UBE2E2: variants seen among roughly 807,000 people sequenced by gnomAD.
UBE2E2 encodes ubiquitin-conjugating enzyme E2 E2.
UBE2E2 carries 6 observed loss-of-function variants against 24.7 expected under a neutral mutation model. The ratio of observed to expected loss-of-function variants is 0.24; its 90% CI spans 0.13 to 0.48. UBE2E2 has a LOEUF of 0.48. Ranked by LOEUF, UBE2E2 falls within the 20% of genes least tolerant of loss-of-function variation. UBE2E2 has a pLI of 0.99. For synonymous variants in UBE2E2, 104 were observed against 83.6 expected, an observed-to-expected ratio of 1.24 and a Z score of -1.33; for missense variants, 169 against 245.0, an observed-to-expected ratio of 0.69 and a Z score of 2.07.
chr3:23,331,903 A>G (rs1695068387), intron 3 of UBE2E2, among the ~76,000 whole-genome samples: 2 of 152,222 alleles, frequency 1.3e-5, no homozygotes, highest in Non-Finnish European at 2.9e-5. Context: ...TGCTTAGTAA[A>G]TGACAGCAGA....
intron 4 of UBE2E2, among the ~76,000 whole-genome samples, chr3:23,526,866 CTCTG>C (rs1194958370): frequency 2.0e-5 from 3 of 152,186 alleles, no homozygotes; most frequent in Non-Finnish European, 2.9e-5. Flanking sequence ...AAGTTTAAAA[CTCTG>C]TCCAGAAATT....
chr3:23,294,617 A>AT (rs1698859463), intron 3 of UBE2E2, among the ~76,000 whole-genome samples: 1 of 147,388 alleles, frequency 6.8e-6, no homozygotes. Context: ...TTTATTAGAT[A>AT]TTTTATTAGA....
intron 5 of UBE2E2, among the ~76,000 whole-genome samples, chr3:23,543,143 G>A (rs138989589): frequency 6.6e-6 from 1 of 152,076 alleles, no homozygotes; most frequent in Non-Finnish European, 1.5e-5. Context: ...GTGAGACCCT[G>A]TCGCTACAAA....
At chr3:23,239,179 G>T (rs191945438) in intron 3 of UBE2E2, among the ~76,000 whole-genome samples, 1 of 151,956 alleles carries the variant, frequency 6.6e-6, no homozygotes, top group Non-Finnish European at 1.5e-5. Context: ...TTATGATACC[G>T]TAATATAGTG....
chr3:23,473,947 A>G (rs983583714), intron 3 of UBE2E2, among the ~76,000 whole-genome samples: 7 of 152,014 alleles, frequency 4.6e-5, no homozygotes, highest in African/African-American at 1.7e-4. Context: ...ATCAAATGGT[A>G]GTTCTATTTT....
intron 4 of UBE2E2, among the ~76,000 whole-genome samples, chr3:23,519,663 A>C (rs903813723): frequency 6.6e-6 from 1 of 152,044 alleles, no homozygotes; most frequent in African/African-American, 2.4e-5. Context: ...GTGAATATAT[A>C]TATGTGTGAG....
chr3:23,423,417 C>A (rs1697850495), intron 3 of UBE2E2, among the ~76,000 whole-genome samples: 2 of 152,084 alleles, frequency 1.3e-5, no homozygotes, highest in African/African-American at 4.8e-5. Context: ...TTTCATTTTT[C>A]TTTACTCAGT....
Position 23,298,845 on chromosome 3 carries a change from A to G in UBE2E2, c.227+81533A>G, listed in dbSNP as rs561791899. ...ATTCCCTCTTTTTCTATTGATTGGA[A>G]TAGTTTCAGAAGGAATGGTACTAGC... is the stretch of plus-strand genomic sequence containing the variant. On this transcript the variant is annotated intron_variant, in intron 3 of 5. Transcript: ENST00000396703. 2.0e-5 allele frequency among the ~76,000 whole-genome samples: 3 copies of G among 152,288 alleles called. No homozygotes were observed. The South Asian group carries it at 6.2e-4, about 32-fold the overall frequency.
chr3:23,232,722 G>T (rs1236594131), intron 3 of UBE2E2, among the ~76,000 whole-genome samples: 1 of 152,204 alleles, frequency 6.6e-6, no homozygotes, highest in East Asian at 1.9e-4. Context: ...ATACACTGAA[G>T]AAATCATTTT....
chr3:23,299,670 C>G (rs1251724044), intron 3 of UBE2E2, among the ~76,000 whole-genome samples: 1 of 152,054 alleles, frequency 6.6e-6, no homozygotes, highest in Non-Finnish European at 1.5e-5. Flanking sequence ...AATTTCTGTT[C>G]TTTTGCATTT....
chr3:23,516,844 C>T (rs563532587), intron 4 of UBE2E2, among the ~76,000 whole-genome samples: 211 of 152,170 alleles, frequency 1.4e-3, no homozygotes, highest in African/African-American at 4.7e-3. Flanking sequence ...TAAAGCCATC[C>T]ATCTAATTGT....
chr3:23,334,749 A>C lies in UBE2E2; in HGVS notation c.227+117437A>C, dbSNP rs567761646. 6.6e-5 allele frequency among the ~76,000 whole-genome samples: 10 copies of C among 152,330 alleles called. 2 individuals carry two copies. Among genetic ancestry groups the C allele is most frequent in the Admixed American group, 1.3e-4 (2 of 15,298 alleles). On this transcript the variant is annotated intron_variant, in intron 3 of 5. Transcript: ENST00000396703. ...CTAAGGTGATGCTTTTCATGCCTCC[A>C]GGGCAGACCTTCTAATGTATTTTTC... is the stretch of plus-strand genomic sequence containing the variant.
chr3:23,363,775 T>A (rs940356832), intron 3 of UBE2E2, among the ~76,000 whole-genome samples: 1 of 151,948 alleles, frequency 6.6e-6, no homozygotes, highest in Non-Finnish European at 1.5e-5. Flanking sequence ...GAACCAGAGC[T>A]CAACATTTGA....
chr3:23,414,121 G>A lies in UBE2E2; in HGVS notation c.228-85487G>A, dbSNP rs537877228. Reference sequence around the variant, plus strand: ...GATTATCCCAATGTACAACAATTCAGCATGAGAAATTCCATGTTAATGACA... The same window carrying A: ...GATTATCCCAATGTACAACAATTCAACATGAGAAATTCCATGTTAATGACA... On this transcript the variant is annotated intron_variant, in intron 3 of 5. Transcript: ENST00000396703. Among the ~76,000 whole-genome samples, 4 of 152,270 alleles carry A rather than the reference G, an allele frequency of 2.6e-5. No homozygotes were observed. The East Asian group carries it at 7.7e-4, about 29-fold the overall frequency.
chr3:23,515,776 G>C (rs1694721403), intron 4 of UBE2E2, among the ~76,000 whole-genome samples: 1 of 149,682 alleles, frequency 6.7e-6, no homozygotes, highest in African/African-American at 2.5e-5. Flanking sequence ...GGACAACATA[G>C]TGAGATCGCA....
rs1247791862 is a variant in UBE2E2, at chr3:23,402,997, G to A, written c.228-96611G>A. On this transcript the variant is annotated intron_variant, in intron 3 of 5. Coordinates refer to ENST00000396703, the MANE Select transcript of UBE2E2 (RefSeq NM_152653.4). Reference sequence around the variant, plus strand: ...TGCTTGAGGAGGGGAGTACATGGCAGCCTCAGGGGCAGATTGAGTGCTGCT... The same window carrying A: ...TGCTTGAGGAGGGGAGTACATGGCAACCTCAGGGGCAGATTGAGTGCTGCT... Among the ~76,000 whole-genome samples the A allele has an allele frequency of 2.0e-5, 3 of 152,164 alleles. No individual in the cohort carries two copies. In the East Asian group the frequency reaches 5.8e-4, roughly 29 times the overall value.
At chr3:23,568,323 T>G (rs961606587) in intron 5 of UBE2E2, among the ~76,000 whole-genome samples, 2 of 152,132 alleles carry the variant, frequency 1.3e-5, no homozygotes, top group African/African-American at 4.8e-5. Flanking sequence ...GGAATTGATA[T>G]ATTTTGCAGT....
chr3:23,207,234 A>G (rs1384764990), intron 1 of UBE2E2, among the ~76,000 whole-genome samples: 3 of 152,180 alleles, frequency 2.0e-5, no homozygotes, highest in African/African-American at 4.8e-5. Flanking sequence ...ATTGATTATG[A>G]TAGAATGACA....
At chr3:23,543,361 G>T (rs978085456) in intron 5 of UBE2E2, among the ~76,000 whole-genome samples, 9 of 152,078 alleles carry the variant, frequency 5.9e-5, no homozygotes, top group Non-Finnish European at 1.0e-4. Flanking sequence ...AATCAGTAAA[G>T]TCTCAGGTTA....
Sources: allele counts gnomAD v4.1 joint callset (sites outside exome capture counted in the v4.1 genomes callset), GRCh38; gene constraint gnomAD v4.1.1; transcripts MANE v1.5; gene names NCBI Gene and HGNC (gene_info 2026-07-23, HGNC 2026-07-21).